ELOVL6: variants seen among roughly 807,000 people sequenced by gnomAD.
The protein encoded by ELOVL6 is very long chain fatty acid elongase 6.
Under a neutral mutation model 31.7 loss-of-function variants are expected in ELOVL6, and 8 were observed. That is an observed-to-expected ratio of 0.25 (90% CI 0.15 to 0.45). The LOEUF (loss-of-function observed/expected upper bound fraction) is 0.45, where lower values mean the gene tolerates loss of function less well. ELOVL6 is among the 20% of genes least tolerant of loss of function. ELOVL6 has a pLI of 1.00. For missense variants in ELOVL6, 126 were observed against 326.4 expected (o/e 0.39, Z 4.73); for synonymous variants, 101 against 117.7 (o/e 0.86, Z 0.92).
At chr4:110,140,147 A>G (rs1414703057) in intron 1 of ELOVL6, among the ~76,000 whole-genome samples, 3 of 152,166 alleles carry the variant, frequency 2.0e-5, no homozygotes, top group African/African-American at 4.8e-5. Context: ...ACTTTTCTAT[A>G]TAAGCCCCCA....
chr4:110,156,710 C>T (rs1383246374), intron 1 of ELOVL6, among the ~76,000 whole-genome samples: 1 of 151,984 alleles, frequency 6.6e-6, no homozygotes, highest in African/African-American at 2.4e-5. Flanking sequence ...AGAAACGGGC[C>T]CATGTAATAA....
rs150443077 is a variant in ELOVL6 at position 110,126,297 on chromosome 4, C to T, written c.90-20669G>A. On this transcript the variant is annotated intron_variant, in intron 1 of 3. Coordinates refer to ENST00000302274, the MANE Select transcript of ELOVL6 (RefSeq NM_024090.3). ...GGACTCAAGGCTGACCCACCTGCCT[C>T]GGCCTCCCAAAGTGCTGAGATTACA... Among the ~76,000 whole-genome samples the T allele has an allele frequency of 5.1e-3, 771 of 152,270 alleles. 5 individuals carry two copies. The highest frequency in any genetic ancestry group is 7.4e-3 in the Non-Finnish European group (500 of 68,026).
chr4:110,084,729 G>C (rs1212134011), intron 2 of ELOVL6, among the ~76,000 whole-genome samples: 7 of 149,390 alleles, frequency 4.7e-5, no homozygotes, highest in Non-Finnish European at 7.4e-5. Context: ...TGAGTAGCTG[G>C]GGCTACAGGT....
intron 1 of ELOVL6, among the ~76,000 whole-genome samples, chr4:110,141,149 T>C (rs1021742504): frequency 6.6e-6 from 1 of 152,126 alleles, no homozygotes; most frequent in Non-Finnish European, 1.5e-5. Flanking sequence ...CCGCAACCTC[T>C]GCCTCCCGGG....
At chr4:110,159,414 A>G (rs1336078212) in intron 1 of ELOVL6, among the ~76,000 whole-genome samples, 1 of 152,192 alleles carries the variant, frequency 6.6e-6, no homozygotes, top group Non-Finnish European at 1.5e-5. Context: ...TTATCTTTCA[A>G]TTAAATTTGT....
At chr4:110,080,788 G>T (rs993938228) in intron 2 of ELOVL6, among the ~76,000 whole-genome samples, 25 of 152,252 alleles carry the variant, frequency 1.6e-4, no homozygotes, top group Admixed American at 3.9e-4. Context: ...ATTAGGAAAA[G>T]AGGAAGTCAA....
At position 110,084,458 on chromosome 4, in the gene ELOVL6, T is replaced by TATATCATATATGATATATCGCATATATC. The variant is rs1756150378; in HGVS notation, c.221+21038_221+21039insGATATATGCGATATATCATATATGATAT. 3.2e-5 allele frequency among the ~76,000 whole-genome samples: 4 copies of TATATCATATATGATATATCGCATATATC among 123,372 alleles called. 1 individual carries two copies. Among genetic ancestry groups the TATATCATATATGATATATCGCATATATC allele is most frequent in the African/African-American group, 7.0e-5 (2 of 28,772 alleles). 80.9% of individuals were successfully genotyped at this position (123,372 alleles called of 152,430 possible). A position where few individuals can be genotyped will look rare whatever the true frequency, so the allele number is the denominator to read the frequency against. ...CATATATGATATATCGCATATATCA[T>TATATCATATATGATATATCGCATATATC]ATATGATATATAACAATATACACTA... On this transcript the variant is annotated intron_variant, in intron 2 of 3. Transcript: ENST00000302274.
chr4:110,095,817 A>C (rs1372260033), intron 2 of ELOVL6, among the ~76,000 whole-genome samples: 1 of 152,212 alleles, frequency 6.6e-6, no homozygotes, highest in Non-Finnish European at 1.5e-5. Flanking sequence ...GAACAGGTGT[A>C]GTCAGCTACC....
chr4:110,139,798 A>G (rs142001180), intron 1 of ELOVL6, among the ~76,000 whole-genome samples: 2,075 of 152,318 alleles, frequency 0.014, 25 homozygotes, highest in Non-Finnish European at 0.021. Flanking sequence ...GTCTACCATT[A>G]CTGGATCTTG....
chr4:110,084,430 T>TG lies in ELOVL6; in HGVS notation c.221+21066_221+21067insC, dbSNP rs1560815365. Among the ~76,000 whole-genome samples, 139 of 116,604 alleles carry TG rather than the reference T, an allele frequency of 1.2e-3. 20 individuals carry two copies. The highest frequency in any genetic ancestry group is 4.8e-3 in the African/African-American group (132 of 27,358). 76.5% of individuals were successfully genotyped at this position (116,604 alleles called of 152,430 possible). ...TATGACATACATGATATATCACATA[T>TG]ATCATATATGATATATCGCATATAT... is the stretch of plus-strand genomic sequence containing the variant. On this transcript the variant is annotated intron_variant, in intron 2 of 3. Transcript: ENST00000302274.
At chr4:110,141,565 C>G (rs986343951) in intron 1 of ELOVL6, among the ~76,000 whole-genome samples, 1 of 151,600 alleles carries the variant, frequency 6.6e-6, no homozygotes, top group African/African-American at 2.4e-5. Context: ...GAGAAAAACC[C>G]ACTGGGGAGG....
chr4:110,145,562 A>C (rs981187889), intron 1 of ELOVL6, among the ~76,000 whole-genome samples: 2 of 152,236 alleles, frequency 1.3e-5, no homozygotes, highest in African/African-American at 2.4e-5. Flanking sequence ...AGAATGAAGC[A>C]TGAAGAATAG....
intron 1 of ELOVL6, among the ~76,000 whole-genome samples, chr4:110,138,082 G>A (rs576050656): frequency 3.9e-5 from 6 of 152,264 alleles, no homozygotes; most frequent in South Asian, 2.1e-4. Flanking sequence ...GTTCTTCCAC[G>A]TTATTGCTTA....
At chr4:110,138,859 T>C (rs745338038) in intron 1 of ELOVL6, among the ~76,000 whole-genome samples, 2 of 152,122 alleles carry the variant, frequency 1.3e-5, no homozygotes, top group Non-Finnish European at 1.5e-5. Context: ...ATTAAACATA[T>C]AAAAATATCA....
At chr4:110,120,732 T>C (rs1371499392) in intron 1 of ELOVL6, among the ~76,000 whole-genome samples, 1 of 151,876 alleles carries the variant, frequency 6.6e-6, no homozygotes, top group Non-Finnish European at 1.5e-5. Flanking sequence ...GTTACACTTC[T>C]CAACCACTAC....
At chr4:110,188,195 G>C (rs548395351) in intron 1 of ELOVL6, among the ~76,000 whole-genome samples, 1 of 152,162 alleles carries the variant, frequency 6.6e-6, no homozygotes. Context: ...CAAGCTGAGT[G>C]CAAGAAATTA....
At chr4:110,068,484 CT>C (rs973060926) in intron 2 of ELOVL6, among the ~76,000 whole-genome samples, 4 of 152,288 alleles carry the variant, frequency 2.6e-5, no homozygotes, top group South Asian at 4.2e-4. Context: ...ACCAATCCCC[CT>C]GATAAGTCAG....
chr4:110,082,230 T>C (rs1487267944), intron 2 of ELOVL6, among the ~76,000 whole-genome samples: 5 of 151,806 alleles, frequency 3.3e-5, no homozygotes, highest in South Asian at 4.2e-4. Flanking sequence ...TTGACCCAGC[T>C]ATCCCATTAC....
At chr4:110,109,658 T>C (rs1756976157) in intron 1 of ELOVL6, among the ~76,000 whole-genome samples, 1 of 152,242 alleles carries the variant, frequency 6.6e-6, no homozygotes, top group Non-Finnish European at 1.5e-5. Context: ...TGAAAAAGTA[T>C]GCATAAATTG....
Sources: gnomAD v4.1 joint callset for allele counts (sites outside exome capture counted in the v4.1 genomes callset) on GRCh38, gnomAD v4.1.1 for gene constraint, MANE v1.5 for transcripts, NCBI Gene and HGNC (gene_info 2026-07-23, HGNC 2026-07-21) for gene names.